The following NCBP3 variants were observed in gnomAD, a reference collection of about 807,000 sequenced individuals.
NCBP3 encodes nuclear cap-binding protein subunit 3.
A neutral mutation model predicts 75.7 loss-of-function variants in NCBP3; 20 were observed. That is an observed-to-expected ratio of 0.26 (90% CI 0.19 to 0.38). NCBP3 has a LOEUF of 0.38. Ranked by LOEUF, NCBP3 falls within the 10% of genes least tolerant of loss-of-function variation. The pLI, the probability that NCBP3 is intolerant of heterozygous loss-of-function variation, is 1.00. For missense variants in NCBP3, 678 were observed against 796.9 expected (o/e 0.85, Z 1.80); for synonymous variants, 293 against 290.5 (o/e 1.01, Z -0.09).
In NCBP3 at chr17:3,807,720, G is replaced by C. The variant is rs2053351751; in HGVS notation, c.*5324C>G. ...ATGACTAGCCTGCCAGAGGGCCCCA[G>C]AGCCTCAGAGGATGGAGCCACTCCT... On this transcript the variant is annotated 3_prime_UTR_variant, in exon 13 of 13. Transcript: ENST00000389005. The C allele has an allele frequency of 6.6e-6, 1 of 152,142 alleles. No homozygotes were observed. Among genetic ancestry groups the C allele is most frequent in the Non-Finnish European group, 1.5e-5 (1 of 68,052 alleles). 9.4% of individuals were successfully genotyped at this position (152,142 alleles called of 1,614,324 possible).
At chr17:3,844,900 T>C (rs1385493743) in intron 1 of NCBP3, among the ~76,000 whole-genome samples, 1 of 152,178 alleles carries the variant, frequency 6.6e-6, no homozygotes, top group East Asian at 1.9e-4. Flanking sequence ...CGCCATTGCG[T>C]TCCAGCCTGG....
At chr17:3,820,907 G>A (rs1567584850) in intron 9 of NCBP3, among the ~76,000 whole-genome samples, 2 of 150,520 alleles carry the variant, frequency 1.3e-5, no homozygotes, top group Admixed American at 6.6e-5. Context: ...TCCAGCCTGA[G>A]AGACAGAGCG....
intron 10 of NCBP3, among the ~76,000 whole-genome samples, chr17:3,817,752 A>G (rs1473624523): frequency 6.6e-6 from 1 of 152,350 alleles, no homozygotes; most frequent in East Asian, 1.9e-4. Flanking sequence ...GAGTTAGTGC[A>G]ATTGTAAGAA....
intron 3 of NCBP3, among the ~76,000 whole-genome samples, chr17:3,830,889 G>A (rs568589671): frequency 7.0e-5 from 10 of 142,878 alleles, no homozygotes; most frequent in Non-Finnish European, 1.5e-4. Context: ...AGCCAATTGC[G>A]TACTTTTTTA....
intron 5 of NCBP3, 50 bp downstream of exon 5, chr17:3,826,035 CTG>C: frequency 6.5e-7 from 1 of 1,528,108 alleles, no homozygotes; most frequent in Non-Finnish European, 8.8e-7. Flanking sequence ...AGAAACAGGA[CTG>C]TGTAAAGAAG....
In NCBP3 at chr17:3,826,135, T is replaced by G; in HGVS notation, c.562A>C (p.Arg188=). The G allele has an allele frequency of 6.4e-7, 1 of 1,551,730 alleles. No homozygotes were observed. Among genetic ancestry groups the G allele is most frequent in the African/African-American group, 1.4e-5 (1 of 73,172 alleles). Reference sequence around the variant, plus strand: ...TTGTCCTCACTGGCATCCCTGCTTCTGATCTTATCCTGTGCAGGCAGGGAG... The same window carrying G: ...TTGTCCTCACTGGCATCCCTGCTTCGGATCTTATCCTGTGCAGGCAGGGAG... ...MSSLPAQDKI[R]SRDASEDKSA... The change falls in exon 5 of 13, where the codon AGA becomes CGA. Residue 188 remains arginine (R), a synonymous_variant. Transcript: ENST00000389005.
chr17:3,836,124 G>T (rs1227285032), intron 3 of NCBP3, among the ~76,000 whole-genome samples: 1 of 152,132 alleles, frequency 6.6e-6, no homozygotes, highest in Admixed American at 6.5e-5. Flanking sequence ...TTTTATTATT[G>T]TTGTTGGTAT....
Position 3,818,526 on chromosome 17 carries a change from CTCCTCT to C in NCBP3, c.1041_1046del (p.Glu358_Glu359del), listed in dbSNP as rs570525886. The C allele has an allele frequency of 5.9e-4, 957 of 1,610,688 alleles. 4 individuals carry two copies. The African/African-American group carries it at 0.011, about 18-fold the overall frequency. On this transcript the variant is annotated inframe_deletion, in exon 10 of 13. Transcript: ENST00000389005. This position sits in a 1 kb window ranked among gnomAD's most constrained non-coding sequence, Gnocchi z 4.7. Reference sequence around the variant, plus strand: ...CTTCCTCTTCCTCTTCCTCCTCCTCCTCCTCTTCCTCCTCTTCAATGGGTTCCTCGG... The same window carrying C: ...CTTCCTCTTCCTCTTCCTCCTCCTCCTCCTCCTCTTCAATGGGTTCCTCGG...
At chr17:3,838,758 C>G (rs2054017784) in intron 3 of NCBP3, among the ~76,000 whole-genome samples, 4 of 152,158 alleles carry the variant, frequency 2.6e-5, no homozygotes, top group Admixed American at 2.6e-4. Flanking sequence ...CCTGCTTCCT[C>G]TTTATAAAAT....
chr17:3,803,157 A>AT lies in NCBP3; in HGVS notation c.*9886dup, dbSNP rs1298329351. On this transcript the variant is annotated 3_prime_UTR_variant, in exon 13 of 13. Transcript: ENST00000389005. ...ACAAATACACACATAACCAAAAGAC[A>AT]TGTGAATGTGGTTTCCCAACTCACT... is the stretch of plus-strand genomic sequence containing the variant. The AT allele has an allele frequency of 5.9e-5, 9 of 152,348 alleles. No individual in the cohort carries two copies. Among genetic ancestry groups the AT allele is most frequent in the Non-Finnish European group, 1.0e-4 (7 of 68,054 alleles). The allele number at this position is 152,348 out of a possible 1,614,324, so 9.4% of individuals were successfully genotyped here.
intron 3 of NCBP3, among the ~76,000 whole-genome samples, chr17:3,831,070 C>T (rs1456166340): frequency 6.6e-6 from 1 of 151,682 alleles, no homozygotes; most frequent in Non-Finnish European, 1.5e-5. Context: ...CGCCACCACG[C>T]CATGCTAATT....
At chr17:3,819,354 G>A (rs1248610795) in intron 9 of NCBP3, among the ~76,000 whole-genome samples, 1 of 152,050 alleles carries the variant, frequency 6.6e-6, no homozygotes, top group East Asian at 1.9e-4. Context: ...TCAGGAAATC[G>A]AGACCATCCT....
intron 10 of NCBP3, among the ~76,000 whole-genome samples, chr17:3,816,678 A>G (rs2053539299): frequency 6.6e-6 from 1 of 152,218 alleles, no homozygotes; most frequent in South Asian, 2.1e-4. Context: ...TTTCAAAGAG[A>G]TATGCTATCA....
At position 3,825,137 on chromosome 17, in the gene NCBP3, C is replaced by T. The variant is rs2053761050; in HGVS notation, c.688-87G>A. ...TAAAGCTACCATTAAGAAAAGCATT[C>T]TACCTTTAATACTTACAAGCATTAT... On this transcript the variant is annotated intron_variant, in intron 6 of 12. Transcript: ENST00000389005. 4.4e-6 allele frequency: 3 copies of T among 688,602 alleles called. No individual in the cohort carries two copies. The South Asian group carries it at 6.1e-5, about 14-fold the overall frequency. The allele number at this position is 688,602 out of a possible 1,614,324, so 42.7% of individuals were successfully genotyped here.
In NCBP3 at chr17:3,812,702, G is replaced by C. The variant is rs1567578032; in HGVS notation, c.*342C>G. On this transcript the variant is annotated 3_prime_UTR_variant, in exon 13 of 13. Coordinates refer to ENST00000389005, the MANE Select transcript of NCBP3 (RefSeq NM_001114118.3). ...GAGAAGTTCAGTTCTCTGCTCTTTG[G>C]ATGAACTGTGTAAAACATTTCTTTT... 9.1e-7 allele frequency: 1 copy of C among 1,100,680 alleles called. No homozygotes were observed. Among genetic ancestry groups the C allele is most frequent in the Non-Finnish European group, 1.1e-6 (1 of 898,956 alleles). 68.2% of individuals were successfully genotyped at this position (1,100,680 alleles called of 1,614,324 possible).
intron 9 of NCBP3, among the ~76,000 whole-genome samples, chr17:3,819,559 C>CAA (rs554652960): frequency 2.5e-5 from 3 of 119,110 alleles, no homozygotes; most frequent in Admixed American, 8.7e-5. Context: ...GACTCTGTCT[C>CAA]AAAAAAAAAA....
intron 11 of NCBP3, among the ~76,000 whole-genome samples, chr17:3,814,813 G>A (rs59839750): frequency 0.013 from 1,943 of 151,970 alleles, 44 homozygotes; most frequent in African/African-American, 0.044. Flanking sequence ...GTGAGCTCCT[G>A]GAAAGTGGAA....
At chr17:3,823,501 TAGTC>T (rs1158942434) in intron 7 of NCBP3, among the ~76,000 whole-genome samples, 1 of 152,188 alleles carries the variant, frequency 6.6e-6, no homozygotes, top group Non-Finnish European at 1.5e-5. Flanking sequence ...AGAAATGACA[TAGTC>T]AGAAAGGCAT....
intron 8 of NCBP3, 138 bp downstream of exon 8, chr17:3,821,815 A>G (rs1169470389): frequency 1.4e-5 from 9 of 650,658 alleles, no homozygotes; most frequent in Non-Finnish European, 2.2e-5. Flanking sequence ...CCCATCATTT[A>G]CCACATCTAA....
Sources: gnomAD v4.1 joint callset for allele counts (sites outside exome capture counted in the v4.1 genomes callset) on GRCh38, gnomAD v4.1.1 for gene constraint, Gnocchi (gnomAD v3.1) non-coding constraint, MANE v1.5 for transcripts, NCBI Gene and HGNC (gene_info 2026-07-23, HGNC 2026-07-21) for gene names.